PTPRF: variants seen among roughly 807,000 people sequenced by gnomAD.
The protein encoded by PTPRF is receptor-type tyrosine-protein phosphatase F.
PTPRF carries 59 observed loss-of-function variants against 201.8 expected under a neutral mutation model. The observed-to-expected ratio is 0.29, with a 90% CI of 0.24 to 0.36. The LOEUF (loss-of-function observed/expected upper bound fraction) is 0.36. PTPRF is among the 10% of genes least tolerant of loss of function. PTPRF has a pLI of 1.00. For missense variants in PTPRF, 2,132 were observed against 2,690.5 expected, an observed-to-expected ratio of 0.79 and a Z score of 4.59; for synonymous variants, 1,088 against 1,089.7, an observed-to-expected ratio of 1.00 and a Z score of 0.03.
intron 23 of PTPRF, 75 bp downstream of exon 23, chr1:43,613,790 C>T (rs1436733480): frequency 3.8e-6 from 5 of 1,317,920 alleles, no homozygotes; most frequent in African/African-American, 1.4e-5. Context: ...TCCTAGGTCC[C>T]AGCTGTGGTG....
rs764750522 is a variant in PTPRF at position 43,592,514 on chromosome 1, A to T, written c.1726A>T (p.Thr576Ser). 1 of 1,612,362 alleles carries T rather than the reference A, an allele frequency of 6.2e-7. No homozygotes were observed. Among genetic ancestry groups the T allele is most frequent in the Non-Finnish European group, 8.5e-7 (1 of 1,179,478 alleles). The part of the protein sequence containing the change: ...SYTLEDLKPD[T>S]LYRFQLAARS... ...CACACTAGAGGACCTGAAGCCTGAC[A>T]CACTCTACCGCTTCCAGCTGGCTGC... is the stretch of plus-strand genomic sequence containing the variant. Residue 576 changes from threonine to serine, a missense_variant, in exon 11 of 34, where the codon ACA becomes TCA. Thr to Ser is a moderately conservative substitution (Grantham distance 58). Coordinates refer to ENST00000359947, the MANE Select transcript of PTPRF (RefSeq NM_002840.5).
intron 6 of PTPRF, among the ~76,000 whole-genome samples, chr1:43,577,551 G>T (rs1226566188): frequency 3.3e-5 from 5 of 152,216 alleles, no homozygotes; most frequent in Admixed American, 3.3e-4. Flanking sequence ...AGGTAGTGAG[G>T]TGGCTATAGG....
At chr1:43,612,248 G>C (rs941389350) in intron 22 of PTPRF, among the ~76,000 whole-genome samples, 3 of 152,100 alleles carry the variant, frequency 2.0e-5, no homozygotes, top group African/African-American at 7.2e-5. Context: ...ACGTCCTGTG[G>C]GCAGAAGTGT....
At chr1:43,568,710 C>T (rs190567815) in intron 5 of PTPRF, among the ~76,000 whole-genome samples, 56 of 152,090 alleles carry the variant, frequency 3.7e-4, no homozygotes, top group Middle Eastern at 3.4e-3. Flanking sequence ...TGCAGCCCCT[C>T]GGGGCTGATA....
At chr1:43,571,728 G>A (rs1008734860) in intron 6 of PTPRF, among the ~76,000 whole-genome samples, 7 of 152,190 alleles carry the variant, frequency 4.6e-5, no homozygotes, top group Non-Finnish European at 1.0e-4. Flanking sequence ...CAGGTTTGCT[G>A]CTCATACCTT....
chr1:43,599,848 C>G (rs146822677), intron 13 of PTPRF, among the ~76,000 whole-genome samples: 32 of 152,230 alleles, frequency 2.1e-4, no homozygotes, highest in African/African-American at 7.2e-4. Context: ...TCATGAGCCC[C>G]CTCCCAAAAG....
At chr1:43,577,487 G>C (rs747101190) in intron 6 of PTPRF, among the ~76,000 whole-genome samples, 2 of 152,224 alleles carry the variant, frequency 1.3e-5, no homozygotes, top group Non-Finnish European at 2.9e-5. Context: ...CCAGCCCCCT[G>C]GGGGTTCCCA....
rs1644435518 is a variant in PTPRF, at chr1:43,542,773, A to G, written c.-45-2258A>G. Among the ~76,000 whole-genome samples the G allele has an allele frequency of 6.6e-6, 1 of 152,100 alleles. No homozygotes were observed. Among genetic ancestry groups the G allele is most frequent in the African/African-American group, 2.4e-5 (1 of 41,392 alleles). On this transcript the variant is annotated intron_variant, in intron 2 of 33. Coordinates refer to ENST00000359947, the MANE Select transcript of PTPRF (RefSeq NM_002840.5). The surrounding 1 kb of genome is among the most constrained non-coding windows in gnomAD (Gnocchi z 5.2). ...GTCTAGACCACACCATTACACCTCC[A>G]TGATGTCTGCACCTGGGCGTTATAC...
At chr1:43,563,419 A>G (rs998416452) in intron 5 of PTPRF, among the ~76,000 whole-genome samples, 4 of 152,090 alleles carry the variant, frequency 2.6e-5, no homozygotes, top group African/African-American at 9.7e-5. Context: ...CCTCGTACAC[A>G]TTTGCCTGGC....
At chr1:43,586,085 C>T (rs778814782) in intron 7 of PTPRF, among the ~76,000 whole-genome samples, 13 of 152,182 alleles carry the variant, frequency 8.5e-5, no homozygotes, top group Non-Finnish European at 1.3e-4. Flanking sequence ...ACTCCTACTA[C>T]GTATATAAAC....
rs558035562 is a variant in PTPRF, at chr1:43,606,213, C to T, written c.3484-27C>T. ...CTGGCCGGCATGCTCCAAGGCCCCT[C>T]ATGACCCCCATGCTCTGCTCTGCCA... On this transcript the variant is annotated intron_variant, in intron 19 of 33. Transcript: ENST00000359947. 2.5e-6 allele frequency: 4 copies of T among 1,598,806 alleles called. No homozygotes were observed. In the South Asian group the frequency reaches 4.5e-5, roughly 18 times the overall value.
chr1:43,526,039 A>G (rs1483454351), upstream of PTPRF, among the ~76,000 whole-genome samples: 5 of 151,918 alleles, frequency 3.3e-5, no homozygotes, highest in African/African-American at 9.7e-5. Flanking sequence ...GCATGGGCAG[A>G]TGGGAATGCT....
intron 3 of PTPRF, among the ~76,000 whole-genome samples, chr1:43,547,922 T>C (rs1158410811): frequency 6.6e-6 from 1 of 152,132 alleles, no homozygotes; most frequent in African/African-American, 2.4e-5. Flanking sequence ...GCAGAGGTTT[T>C]TGCTGATCTC....
intron 6 of PTPRF, among the ~76,000 whole-genome samples, chr1:43,578,096 C>A (rs879660681): frequency 6.6e-6 from 1 of 152,232 alleles, no homozygotes; most frequent in Non-Finnish European, 1.5e-5. Context: ...CCTGTCTGTC[C>A]GTCTGCGGCC....
chr1:43,606,954 C>T lies in PTPRF; in HGVS notation c.3843C>T (p.Ile1281=), dbSNP rs770307084. 18 of 1,614,002 alleles carry T rather than the reference C, an allele frequency of 1.1e-5. No homozygotes were observed. The highest frequency in any genetic ancestry group is 1.4e-5 in the Non-Finnish European group (17 of 1,180,020). Residue 1281 remains isoleucine, a synonymous_variant, in exon 21 of 34, where the codon ATC becomes ATT. Coordinates refer to ENST00000359947, the MANE Select transcript of PTPRF (RefSeq NM_002840.5). ...VILIILIVIA[I]LLFKRKRTHS... is the part of the protein sequence containing the mutation. ...TCATCATCCTCATTGTCATCGCCAT[C>T]CTCTTGTTCAAAAGGTGAGCACTGC...
In PTPRF at chr1:43,604,040, A is replaced by C. The variant is rs760025156; in HGVS notation, c.2888A>C (p.Glu963Ala). 67 of 1,614,116 alleles carry C rather than the reference A, an allele frequency of 4.2e-5. No individual in the cohort carries two copies. The highest frequency in any genetic ancestry group is 5.5e-5 in the Non-Finnish European group (65 of 1,180,058). The change falls in exon 16 of 34, where the codon GAG becomes GCG. Residue 963 changes from glutamate (E) to alanine (A), a missense_variant. Physicochemically the swap from Glu to Ala is moderately radical, Grantham distance 107. Around this residue, in one of 6 missense-constraint regions of PTPRF, gnomAD observed 818 missense variants for 915.3 expected, o/e 0.89. Transcript: ENST00000359947. ...TTCCGAGACATCAACAGCCAACAGG[A>C]GCTGCAGAACATCACGACAGACACC... ...VVFRDINSQQ[E>A]LQNITTDTRF...
At chr1:43,541,438 TC>T (rs1319333302) in intron 2 of PTPRF, among the ~76,000 whole-genome samples, 1 of 152,194 alleles carries the variant, frequency 6.6e-6, no homozygotes, top group Non-Finnish European at 1.5e-5. Context: ...ACGTGAATCT[TC>T]TGTGACGTTC....
intron 3 of PTPRF, among the ~76,000 whole-genome samples, chr1:43,548,434 C>T (rs1418505594): frequency 6.6e-6 from 1 of 152,030 alleles, no homozygotes; most frequent in African/African-American, 2.4e-5. Context: ...CACACAGGGT[C>T]TGTTGTCTGT....
At chr1:43,621,389 T>C (rs894568860) in intron 33 of PTPRF, among the ~76,000 whole-genome samples, 157 bp downstream of exon 33, 2 of 152,222 alleles carry the variant, frequency 1.3e-5, no homozygotes. Context: ...GTGCTTATGG[T>C]CCTACCTACT....
Sources: allele counts gnomAD v4.1 joint callset (sites outside exome capture counted in the v4.1 genomes callset), GRCh38; gene constraint gnomAD v4.1.1; regional missense constraint gnomAD v4.1.1; non-coding constraint Gnocchi (gnomAD v3.1); transcripts MANE v1.5; gene names NCBI Gene and HGNC (gene_info 2026-07-23, HGNC 2026-07-21).